MAGI2: variants seen among roughly 807,000 people sequenced by gnomAD.
MAGI2 encodes membrane-associated guanylate kinase, WW and PDZ domain-containing protein 2.
In MAGI2, 35 loss-of-function variants were observed where a neutral mutation model predicts 133.3. The observed-to-expected ratio is 0.26, with a 90% confidence interval of 0.20 to 0.35. MAGI2 has a LOEUF of 0.35. Ranked by LOEUF, MAGI2 falls within the 10% of genes least tolerant of loss-of-function variation. MAGI2 has a pLI of 1.00. For synonymous variants in MAGI2, 729 were observed against 710.6 expected, an observed-to-expected ratio of 1.03 and a Z score of -0.41; for missense variants, 1,636 against 1,863.4, an observed-to-expected ratio of 0.88 and a Z score of 2.25.
chr7:78,287,438 C>CT (rs1796257007), intron 9 of MAGI2, among the ~76,000 whole-genome samples: 2 of 152,178 alleles, frequency 1.3e-5, no homozygotes, highest in South Asian at 4.1e-4. Flanking sequence ...ATACTGAGTC[C>CT]ATTGGAGGAG....
At chr7:78,839,864 A>T (rs545034673) in intron 2 of MAGI2, among the ~76,000 whole-genome samples, 10 of 152,056 alleles carry the variant, frequency 6.6e-5, no homozygotes, top group African/African-American at 2.2e-4. Flanking sequence ...TACCCTAAAA[A>T]GTCTGGTCTT....
intron 1 of MAGI2, among the ~76,000 whole-genome samples, chr7:79,039,134 A>G (rs1399772932): frequency 2.0e-5 from 3 of 151,984 alleles, no homozygotes. Flanking sequence ...TGCTCCCCCC[A>G]TGCTGTTCTC....
intron 6 of MAGI2, among the ~76,000 whole-genome samples, chr7:78,416,550 A>T (rs934825102): frequency 6.6e-6 from 1 of 152,104 alleles, no homozygotes; most frequent in African/African-American, 2.4e-5. Flanking sequence ...TCATGATGTT[A>T]AGTTCTAAAA....
intron 6 of MAGI2, among the ~76,000 whole-genome samples, chr7:78,426,407 T>G (rs1231584008): frequency 6.6e-6 from 1 of 150,876 alleles, no homozygotes; most frequent in Non-Finnish European, 1.5e-5. Context: ...AACTGAACAA[T>G]GGAACACATG....
intron 6 of MAGI2, among the ~76,000 whole-genome samples, chr7:78,377,875 T>C (rs1585054878): frequency 6.9e-6 from 1 of 145,538 alleles, no homozygotes; most frequent in East Asian, 2.0e-4. Context: ...TATAAGAAAA[T>C]AATCAGAAAA....
At chr7:78,283,043 T>G (rs1479463594) in intron 9 of MAGI2, among the ~76,000 whole-genome samples, 1 of 152,058 alleles carries the variant, frequency 6.6e-6, no homozygotes, top group African/African-American at 2.4e-5. Context: ...TTATTATTAT[T>G]TTAGAGATGA....
intron 1 of MAGI2, among the ~76,000 whole-genome samples, chr7:79,217,561 T>C (rs1042861796): frequency 6.6e-6 from 1 of 152,048 alleles, no homozygotes; most frequent in Non-Finnish European, 1.5e-5. Context: ...TTAAGTGTCT[T>C]ATCTATATTT....
intron 3 of MAGI2, among the ~76,000 whole-genome samples, chr7:78,534,453 ATG>A (rs1797715885): frequency 6.6e-6 from 1 of 152,188 alleles, no homozygotes; most frequent in South Asian, 2.1e-4. Flanking sequence ...AAATGTATAT[ATG>A]TGTGTGTTTG....
intron 9 of MAGI2, among the ~76,000 whole-genome samples, chr7:78,298,061 CGATAT>C (rs1797468771): frequency 6.6e-6 from 1 of 151,828 alleles, no homozygotes; most frequent in African/African-American, 2.4e-5. Context: ...CATATACTTT[CGATAT>C]GATGTGATGA....
intron 3 of MAGI2, among the ~76,000 whole-genome samples, chr7:78,571,277 T>C (rs1444178125): frequency 6.6e-6 from 1 of 152,156 alleles, no homozygotes; most frequent in Non-Finnish European, 1.5e-5. Context: ...ATTCTTATCA[T>C]TAAGAAAAGA....
At chr7:78,714,031 G>A (rs1457719379) in intron 2 of MAGI2, among the ~76,000 whole-genome samples, 3 of 133,470 alleles carry the variant, frequency 2.2e-5, no homozygotes, top group Non-Finnish European at 3.1e-5. Flanking sequence ...AGTTTCCCAT[G>A]TTTTCAAAAG....
chr7:79,005,323 C>T (rs1807325322), intron 2 of MAGI2, among the ~76,000 whole-genome samples: 1 of 152,026 alleles, frequency 6.6e-6, no homozygotes, highest in South Asian at 2.1e-4. Flanking sequence ...TAATCATCTC[C>T]TTTATAGGAG....
intron 16 of MAGI2, among the ~76,000 whole-genome samples, chr7:78,136,194 C>A (rs1429769072): frequency 6.6e-6 from 1 of 151,622 alleles, no homozygotes; most frequent in Non-Finnish European, 1.5e-5. Context: ...TGGCTCACTG[C>A]AAGCTCTGCC....
chr7:78,882,963 C>G (rs1392425439), intron 2 of MAGI2, among the ~76,000 whole-genome samples: 1 of 152,126 alleles, frequency 6.6e-6, no homozygotes, highest in African/African-American at 2.4e-5. Context: ...AGGATGCCCA[C>G]TCTCACTACT....
chr7:78,726,746 T>A (rs994591356), intron 2 of MAGI2, among the ~76,000 whole-genome samples: 1 of 152,200 alleles, frequency 6.6e-6, no homozygotes, highest in African/African-American at 2.4e-5. Flanking sequence ...TAATTTCAAC[T>A]AATTTACAGC....
At chr7:79,449,179 T>C (rs1041251347) in intron 1 of MAGI2, among the ~76,000 whole-genome samples, 8 of 152,140 alleles carry the variant, frequency 5.3e-5, no homozygotes, top group Admixed American at 3.9e-4. Flanking sequence ...CTGACTCTAT[T>C]ATTCTAAGCC....
At chr7:78,435,509 C>T (rs1035656507) in intron 6 of MAGI2, among the ~76,000 whole-genome samples, 1 of 152,110 alleles carries the variant, frequency 6.6e-6, no homozygotes, top group African/African-American at 2.4e-5. Flanking sequence ...TACCCTGGTA[C>T]ATTCTGTGCT....
At chr7:78,597,736 G>C (rs539751613) in intron 3 of MAGI2, among the ~76,000 whole-genome samples, 1 of 152,082 alleles carries the variant, frequency 6.6e-6, no homozygotes, top group South Asian at 2.1e-4. Flanking sequence ...ATTGCAGTAG[G>C]GATTTGGGAA....
rs76669555 is a variant in MAGI2 at position 78,230,395 on chromosome 7, A to G, written c.2047+25548T>C. On this transcript the variant is annotated intron_variant, in intron 10 of 21. Transcript: ENST00000354212. The stretch of plus-strand genomic sequence containing the variant: ...CTTTAGAACGTGATTTTATTTCTCT[A>G]TTACAATTCATTTTGTTAAGCATTT... Among the ~76,000 whole-genome samples, 763 of 152,304 alleles carry G rather than the reference A, an allele frequency of 5.0e-3. 6 individuals carry two copies. Among genetic ancestry groups the G allele is most frequent in the African/African-American group, 0.018 (738 of 41,558 alleles).
Sources: allele counts gnomAD v4.1 joint callset (sites outside exome capture counted in the v4.1 genomes callset), GRCh38; gene constraint gnomAD v4.1.1; transcripts MANE v1.5; gene names NCBI Gene and HGNC (gene_info 2026-07-23, HGNC 2026-07-21).